Variants in LRP1B observed in about 807,000 individuals in gnomAD.
The protein encoded by LRP1B is low-density lipoprotein receptor-related protein 1B.
A neutral mutation model predicts 556.6 loss-of-function variants in LRP1B; 217 were observed. The ratio of observed to expected loss-of-function variants is 0.39; its 90% CI spans 0.35 to 0.44. The LOEUF is 0.44. LRP1B is among the 20% of genes least tolerant of loss of function. LRP1B has a pLI of 1.00. For synonymous variants in LRP1B, 2,047 were observed against 1,865.8 expected, an observed-to-expected ratio of 1.10 and a Z score of -2.50; for missense variants, 5,053 against 5,620.8, an observed-to-expected ratio of 0.90 and a Z score of 3.23.
At chr2:140,851,561 C>G (rs2105120873) in intron 28 of LRP1B, 91 bp downstream of exon 28, 1 of 1,447,138 alleles carries the variant, frequency 6.9e-7, no homozygotes, top group Non-Finnish European at 9.4e-7. Context: ...AAAACTTCCT[C>G]TGCTTTAATA....
chr2:140,300,116 C>A (rs1313945738), intron 83 of LRP1B, among the ~76,000 whole-genome samples: 1 of 152,116 alleles, frequency 6.6e-6, no homozygotes, highest in African/African-American at 2.4e-5. Flanking sequence ...GAAACTACAG[C>A]AGAGTGACTA....
In LRP1B at chr2:141,015,909, C is replaced by T. The variant is rs2105389832; in HGVS notation, c.1977G>A (p.Met659Ile). 1 of 1,612,426 alleles carries T rather than the reference C, an allele frequency of 6.2e-7. No homozygotes were observed. Among genetic ancestry groups the T allele is most frequent in the Non-Finnish European group, 8.5e-7 (1 of 1,178,838 alleles). Residue 659 changes from methionine to isoleucine, a missense_variant, in exon 13 of 91, where the codon ATG (methionine) becomes ATA (isoleucine). Transcript: ENST00000389484. ...CATCTTCCTCCCAGTCTGTCCAATA[C>T]ATCCAACTAAGACATTAAAAAAACA... ...GIVVDPVNGW[M>I]YWTDWEEDEI...
At chr2:140,988,020 C>T (rs919209870) in intron 17 of LRP1B, among the ~76,000 whole-genome samples, 1 of 152,104 alleles carries the variant, frequency 6.6e-6, no homozygotes, top group Middle Eastern at 3.4e-3. Context: ...AGAAAGATGT[C>T]TCATTATGAA....
chr2:141,684,015 T>C (rs1358324367), intron 2 of LRP1B, among the ~76,000 whole-genome samples: 3 of 151,982 alleles, frequency 2.0e-5, no homozygotes, highest in Non-Finnish European at 2.9e-5. Context: ...AGTTCAACCA[T>C]TGTGGAACTG....
At chr2:141,519,409 C>T (rs79267967) in intron 2 of LRP1B, among the ~76,000 whole-genome samples, 85,301 of 123,822 alleles carry the variant, frequency 0.69, 28,304 homozygotes, top group South Asian at 0.73. Context: ...ATATGAAATG[C>T]AATATTTATT....
intron 2 of LRP1B, among the ~76,000 whole-genome samples, chr2:141,519,411 A>T (rs1684456419): frequency 8.6e-6 from 1 of 115,736 alleles, no homozygotes; most frequent in Non-Finnish European, 1.8e-5. Context: ...ATGAAATGCA[A>T]TATTTATTGA....
intron 2 of LRP1B, among the ~76,000 whole-genome samples, chr2:141,533,311 C>T (rs996127618): frequency 2.2e-4 from 33 of 148,586 alleles, no homozygotes; most frequent in African/African-American, 7.9e-4. Flanking sequence ...TTAATTAGTG[C>T]GTGAAAGACA....
intron 3 of LRP1B, among the ~76,000 whole-genome samples, chr2:141,255,276 A>G (rs1174237210): frequency 6.6e-6 from 1 of 152,036 alleles, no homozygotes; most frequent in African/African-American, 2.4e-5. Context: ...GCTAACAGAA[A>G]TAAGATTCGC....
chr2:141,553,866 T>A (rs1685852006), intron 2 of LRP1B, among the ~76,000 whole-genome samples: 1 of 137,358 alleles, frequency 7.3e-6, no homozygotes, highest in Non-Finnish European at 1.5e-5. Context: ...ATATAATATA[T>A]CTATAATAAT....
At position 142,031,525 on chromosome 2, in the gene LRP1B, C is replaced by T. The variant is rs552214708; in HGVS notation, c.82+99123G>A. ...CCACAGTCCCCAGAGTGTGATATTC[C>T]CCTTCCTGTGTCCATGTGTGATTTT... is the stretch of plus-strand genomic sequence containing the variant. On this transcript the variant is annotated intron_variant, in intron 1 of 90. Coordinates refer to ENST00000389484, the MANE Select transcript of LRP1B (RefSeq NM_018557.3). 1.9e-4 allele frequency among the ~76,000 whole-genome samples: 22 copies of T among 114,306 alleles called. 1 individual carries two copies. Among genetic ancestry groups the T allele is most frequent in the Non-Finnish European group, 3.5e-4 (20 of 56,514 alleles). The allele number at this position is 114,306 out of a possible 152,430, so 75.0% of individuals were successfully genotyped here.
chr2:141,168,743 T>C (rs767866342), intron 7 of LRP1B, among the ~76,000 whole-genome samples: 1 of 152,076 alleles, frequency 6.6e-6, no homozygotes, highest in Non-Finnish European at 1.5e-5. Flanking sequence ...CCTGACCTCA[T>C]TTACTTGGTG....
At chr2:141,480,866 C>A (rs1392187329) in intron 2 of LRP1B, among the ~76,000 whole-genome samples, 1 of 152,082 alleles carries the variant, frequency 6.6e-6, no homozygotes, top group East Asian at 1.9e-4. Context: ...GGGCAGGGTA[C>A]TTAAACTCCT....
intron 2 of LRP1B, among the ~76,000 whole-genome samples, chr2:141,565,523 G>A (rs149317659): frequency 0.011 from 1,731 of 152,198 alleles, 17 homozygotes; most frequent in Middle Eastern, 0.017. Context: ...AATGATGTGG[G>A]ATGCAATAAA....
intron 20 of LRP1B, among the ~76,000 whole-genome samples, chr2:140,939,307 G>A (rs1196013416): frequency 6.6e-6 from 1 of 151,688 alleles, no homozygotes; most frequent in Non-Finnish European, 1.5e-5. Context: ...ATGAATGAAT[G>A]CATGAATGAG....
At chr2:140,886,685 C>T (rs1693646183) in intron 23 of LRP1B, among the ~76,000 whole-genome samples, 1 of 151,720 alleles carries the variant, frequency 6.6e-6, no homozygotes, top group Non-Finnish European at 1.5e-5. Context: ...ATAGAAATTG[C>T]TAAGATTTGG....
chr2:140,979,114 G>C (rs994234512), intron 18 of LRP1B, among the ~76,000 whole-genome samples: 7 of 152,022 alleles, frequency 4.6e-5, no homozygotes, highest in Non-Finnish European at 1.0e-4. Context: ...CGAGTAGCTG[G>C]GATTACAGGC....
intron 78 of LRP1B, among the ~76,000 whole-genome samples, chr2:140,335,204 A>ATATATG (rs754217662): frequency 4.2e-4 from 64 of 151,330 alleles, no homozygotes; most frequent in African/African-American, 1.3e-3. Context: ...GTATATATAT[A>ATATATG]TGTGTGTGTG....
chr2:140,865,344 A>G (rs1692914919), intron 27 of LRP1B, among the ~76,000 whole-genome samples: 1 of 152,034 alleles, frequency 6.6e-6, no homozygotes, highest in African/African-American at 2.4e-5. Flanking sequence ...TCAATTTTAT[A>G]GTACTGAATG....
intron 20 of LRP1B, among the ~76,000 whole-genome samples, chr2:140,941,577 A>G (rs974656655): frequency 6.6e-6 from 1 of 152,122 alleles, no homozygotes; most frequent in African/African-American, 2.4e-5. Context: ...CATACCATCT[A>G]CTGGATTGAG....
Sources: gnomAD v4.1 joint callset for allele counts (sites outside exome capture counted in the v4.1 genomes callset) on GRCh38, gnomAD v4.1.1 for gene constraint, MANE v1.5 for transcripts, NCBI Gene and HGNC (gene_info 2026-07-23, HGNC 2026-07-21) for gene names.